The following FKBP5 variants were observed in gnomAD, a reference collection of about 807,000 sequenced individuals.
FKBP5 encodes the protein peptidyl-prolyl cis-trans isomerase FKBP5.
FKBP5 carries 23 observed loss-of-function variants against 50.5 expected under a neutral mutation model. The ratio of observed to expected loss-of-function variants is 0.46; its 90% CI spans 0.33 to 0.65. FKBP5 has a LOEUF of 0.65. FKBP5 is among the 30% of genes least tolerant of loss of function. The pLI is 0.02. For missense variants in FKBP5, 411 were observed against 553.1 expected (o/e 0.74, Z 2.58); for synonymous variants, 176 against 190.6 (o/e 0.92, Z 0.63).
rs1017933751 is a variant in FKBP5 at position 35,582,942 on chromosome 6, A to C, written c.841-2721T>G. Reference sequence around the variant, plus strand: ...AATATGGAATCAAGACTTTTTCTAAAGTGGTGTGGTGGCTCACGCCTATAG... The same window carrying C: ...AATATGGAATCAAGACTTTTTCTAACGTGGTGTGGTGGCTCACGCCTATAG... On this transcript the variant is annotated intron_variant, in intron 8 of 10. Coordinates refer to ENST00000357266, the MANE Select transcript of FKBP5 (RefSeq NM_004117.4). 10 of 856,946 alleles carry C rather than the reference A, an allele frequency of 1.2e-5. No individual in the cohort carries two copies. The African/African-American group carries it at 1.8e-4, about 16-fold the overall frequency. The allele number at this position is 856,946 out of a possible 1,614,324, so 53.1% of individuals were successfully genotyped here.
intron 5 of FKBP5, 75 bp from the exon 6 acceptor site, chr6:35,597,479 T>C: frequency 2.0e-6 from 3 of 1,482,890 alleles, no homozygotes; most frequent in Non-Finnish European, 2.7e-6. Flanking sequence ...GATAAATGAG[T>C]GGTCGACAAT....
At chr6:35,608,386 C>A (rs1194634064) in intron 5 of FKBP5, among the ~76,000 whole-genome samples, 2 of 151,500 alleles carry the variant, frequency 1.3e-5, no homozygotes, top group African/African-American at 4.8e-5. Context: ...TCAGCATAAT[C>A]TCCCCTGGAA....
intron 1 of FKBP5, among the ~76,000 whole-genome samples, chr6:35,687,379 C>A (rs975648556): frequency 6.6e-6 from 1 of 152,060 alleles, no homozygotes; most frequent in African/African-American, 2.4e-5. Context: ...GAAAGTATGA[C>A]AATAAAAATT....
At chr6:35,609,931 TTC>T (rs1280266825) in intron 5 of FKBP5, among the ~76,000 whole-genome samples, 2 of 152,246 alleles carry the variant, frequency 1.3e-5, no homozygotes, top group African/African-American at 4.8e-5. Flanking sequence ...CTTCTACTTC[TTC>T]TGTTAGTCCA....
intron 3 of FKBP5, among the ~76,000 whole-genome samples, chr6:35,627,304 C>T (rs1479907260): frequency 6.6e-6 from 1 of 152,056 alleles, no homozygotes; most frequent in Non-Finnish European, 1.5e-5. Flanking sequence ...AAGCCCTTTG[C>T]CCAGTTTTTA....
At chr6:35,657,458 G>T (rs542949143) in intron 1 of FKBP5, among the ~76,000 whole-genome samples, 1 of 152,036 alleles carries the variant, frequency 6.6e-6, no homozygotes, top group African/African-American at 2.4e-5. Flanking sequence ...ATCTTCAGCC[G>T]GGAATACTGC....
chr6:35,721,753 C>A (rs192695234), intron 1 of FKBP5, among the ~76,000 whole-genome samples: 1 of 152,208 alleles, frequency 6.6e-6, no homozygotes, highest in South Asian at 2.1e-4. Flanking sequence ...CATGCCCAGC[C>A]GACAATAGTG....
At chr6:35,717,748 G>A (rs1196052603) in intron 2 of FKBP5, among the ~76,000 whole-genome samples, 2 of 152,192 alleles carry the variant, frequency 1.3e-5, no homozygotes. Context: ...GACTGAGGTG[G>A]GGCAGCTGTG....
intron 8 of FKBP5, chr6:35,584,388 C>T (rs746270501): frequency 2.4e-4 from 235 of 985,284 alleles, no homozygotes; most frequent in Non-Finnish European, 2.8e-4. Context: ...TCAATGGAAA[C>T]AGAATTCCAA....
chr6:35,688,973 C>G (rs1765924949), upstream of FKBP5: 1 of 151,756 alleles, frequency 6.6e-6, no homozygotes. Flanking sequence ...CGTCCCGCCC[C>G]AGCCGGCCGC....
At chr6:35,705,487 G>A (rs992718893) in intron 2 of FKBP5, among the ~76,000 whole-genome samples, 7 of 151,164 alleles carry the variant, frequency 4.6e-5, no homozygotes, top group Non-Finnish European at 7.4e-5. Context: ...GGCTGGTCTC[G>A]AACTCCTGAC....
At chr6:35,727,724 ATCC>A (rs953708247) in intron 1 of FKBP5, among the ~76,000 whole-genome samples, 1 of 152,144 alleles carries the variant, frequency 6.6e-6, no homozygotes, top group Non-Finnish European at 1.5e-5. Flanking sequence ...AGCTCCAGCT[ATCC>A]TCCTCCCGCC....
intron 8 of FKBP5, chr6:35,586,719 G>A: frequency 8.4e-7 from 1 of 1,184,524 alleles, no homozygotes. Context: ...CACTTGTTGA[G>A]TGCCAACTAT....
At chr6:35,651,384 A>C (rs908252803) in intron 1 of FKBP5, among the ~76,000 whole-genome samples, 2 of 152,148 alleles carry the variant, frequency 1.3e-5, no homozygotes, top group Non-Finnish European at 2.9e-5. Flanking sequence ...TCTTCAATTT[A>C]ATTCGAACAT....
intron 5 of FKBP5, among the ~76,000 whole-genome samples, chr6:35,616,338 A>AG (rs1434266195): frequency 6.1e-5 from 9 of 146,684 alleles, no homozygotes; most frequent in Admixed American, 2.9e-4. Context: ...AAAAAAAAAA[A>AG]AGTAAATACA....
chr6:35,599,693 T>G (rs1430573590), intron 5 of FKBP5, among the ~76,000 whole-genome samples: 2 of 152,180 alleles, frequency 1.3e-5, no homozygotes, highest in Admixed American at 6.5e-5. Context: ...GGGCTAGAGT[T>G]GGAGTGGCTT....
At chr6:35,575,990 A>C (rs1762199895) in intron 10 of FKBP5, 48 bp from the exon 11 acceptor site, 1 of 1,325,386 alleles carries the variant, frequency 7.5e-7, no homozygotes. Context: ...AAAGAAGTGA[A>C]ATAATTCCTG....
At chr6:35,638,067 T>G (rs1365463041) in intron 2 of FKBP5, among the ~76,000 whole-genome samples, 2 of 152,220 alleles carry the variant, frequency 1.3e-5, no homozygotes, top group African/African-American at 4.8e-5. Context: ...TCTAGTAAAG[T>G]ATTTAACTAC....
chr6:35,581,995 C>T (rs1362251186), intron 8 of FKBP5: 1 of 985,418 alleles, frequency 1.0e-6, no homozygotes, highest in African/African-American at 1.7e-5. Context: ...TGATACAGGA[C>T]TTCAAGTGGG....
Sources: allele counts gnomAD v4.1 joint callset (sites outside exome capture counted in the v4.1 genomes callset), GRCh38; gene constraint gnomAD v4.1.1; transcripts MANE v1.5; gene names NCBI Gene and HGNC (gene_info 2026-07-23, HGNC 2026-07-21).